ZBTB20: variants seen among roughly 807,000 people sequenced by gnomAD.
The protein encoded by ZBTB20 is zinc finger and BTB domain containing 20.
ZBTB20 carries 9 observed loss-of-function variants against 56.9 expected under a neutral mutation model. The observed-to-expected ratio is 0.16, with a 90% confidence interval of 0.10 to 0.28. The LOEUF is 0.28. Ranked by LOEUF, ZBTB20 falls within the 10% of genes least tolerant of loss-of-function variation. ZBTB20 has a pLI of 1.00. For missense variants in ZBTB20, 655 were observed against 1,003.0 expected (o/e 0.65, Z 4.69); for synonymous variants, 417 against 420.7 (o/e 0.99, Z 0.11).
At chr3:114,364,880 C>T (rs2108366331) in intron 10 of ZBTB20, among the ~76,000 whole-genome samples, 1 of 152,256 alleles carries the variant, frequency 6.6e-6, no homozygotes, top group South Asian at 2.1e-4. Context: ...GCCTTTTCTC[C>T]TTTTAGTTTC....
intron 4 of ZBTB20, among the ~76,000 whole-genome samples, chr3:114,884,322 G>GA (rs2076525004): frequency 6.6e-6 from 1 of 152,096 alleles, no homozygotes; most frequent in African/African-American, 2.4e-5. Flanking sequence ...TATCTGTAGT[G>GA]AAAAAAGTTA....
chr3:115,009,871 C>G (rs1044821450), intron 2 of ZBTB20, among the ~76,000 whole-genome samples: 1 of 151,910 alleles, frequency 6.6e-6, no homozygotes, highest in Admixed American at 6.6e-5. Flanking sequence ...GCCTCGAGAA[C>G]AGTGAGCAAT....
chr3:114,925,594 T>C (rs1469989991), intron 3 of ZBTB20, among the ~76,000 whole-genome samples: 2 of 152,238 alleles, frequency 1.3e-5, no homozygotes, highest in East Asian at 3.9e-4. Flanking sequence ...TGGCACGATC[T>C]TGGTTCACTG....
At chr3:114,497,650 T>C (rs545364293) in intron 7 of ZBTB20, among the ~76,000 whole-genome samples, 1 of 152,330 alleles carries the variant, frequency 6.6e-6, no homozygotes, top group South Asian at 2.1e-4. Context: ...ACGTCTTGTA[T>C]ATACCTGCAT....
At chr3:114,584,304 A>G (rs1313603763) in intron 6 of ZBTB20, among the ~76,000 whole-genome samples, 2 of 152,148 alleles carry the variant, frequency 1.3e-5, no homozygotes, top group African/African-American at 2.4e-5. Flanking sequence ...ATTTTTTTCT[A>G]AATCAAAAAT....
At chr3:114,818,309 A>T (rs1205433222) in intron 4 of ZBTB20, among the ~76,000 whole-genome samples, 3 of 152,100 alleles carry the variant, frequency 2.0e-5, no homozygotes, top group African/African-American at 7.2e-5. Context: ...TTAGGTTATT[A>T]AAAAAACTCT....
rs567302150 is a variant in ZBTB20, at chr3:114,457,325, A to G, written c.-255+43027T>C. ...TTAAGGATGACATGAGGAAACATAT[A>G]AAGTACACAGCTAGTCATTACACGG... is the stretch of plus-strand genomic sequence containing the variant. On this transcript the variant is annotated intron_variant, in intron 7 of 11. Coordinates refer to ENST00000675478, the MANE Select transcript of ZBTB20 (RefSeq NM_001348800.3). Among the ~76,000 whole-genome samples, 22 of 152,350 alleles carry G rather than the reference A, an allele frequency of 1.4e-4. No homozygotes were observed. In the East Asian group the frequency reaches 2.1e-3, roughly 15 times the overall value.
chr3:114,653,525 A>C (rs1371827107), intron 6 of ZBTB20, among the ~76,000 whole-genome samples: 1 of 151,918 alleles, frequency 6.6e-6, no homozygotes, highest in Admixed American at 6.6e-5. Flanking sequence ...TTTGTTTGCT[A>C]ATATTTTGTT....
intron 7 of ZBTB20, among the ~76,000 whole-genome samples, chr3:114,419,459 C>T (rs1008389792): frequency 7.2e-5 from 11 of 152,010 alleles, no homozygotes; most frequent in Non-Finnish European, 1.6e-4. Context: ...TCTAAACACA[C>T]ATTTGGTACT....
intron 5 of ZBTB20, among the ~76,000 whole-genome samples, chr3:114,700,796 G>A (rs536902464): frequency 6.6e-6 from 1 of 152,114 alleles, no homozygotes; most frequent in South Asian, 2.1e-4. Context: ...GGATAGCAGG[G>A]ACATTGCTGC....
chr3:115,102,527 T>C (rs910409918), intron 1 of ZBTB20: 1 of 152,182 alleles, frequency 6.6e-6, no homozygotes, highest in African/African-American at 2.4e-5. Flanking sequence ...CTAGGTATTT[T>C]ATTTTGTTTC....
At chr3:114,954,487 A>G (rs909332901) in intron 3 of ZBTB20, among the ~76,000 whole-genome samples, 1 of 152,196 alleles carries the variant, frequency 6.6e-6, no homozygotes, top group African/African-American at 2.4e-5. Flanking sequence ...ACACACACAC[A>G]CATATACACA....
chr3:114,572,213 G>A (rs181606300), intron 6 of ZBTB20, among the ~76,000 whole-genome samples: 1 of 152,274 alleles, frequency 6.6e-6, no homozygotes, highest in East Asian at 1.9e-4. Flanking sequence ...ACTCAGCCCT[G>A]CAGAAAAATA....
At chr3:114,947,649 G>C (rs2076928045) in intron 3 of ZBTB20, among the ~76,000 whole-genome samples, 1 of 145,412 alleles carries the variant, frequency 6.9e-6, no homozygotes, top group Admixed American at 6.6e-5. Context: ...ATGGAGACTG[G>C]GAAGGGTGAG....
intron 6 of ZBTB20, among the ~76,000 whole-genome samples, chr3:114,683,008 A>C (rs1158094747): frequency 6.6e-6 from 1 of 152,236 alleles, no homozygotes; most frequent in Non-Finnish European, 1.5e-5. Context: ...CCTAGATTAA[A>C]TGTTTGATAA....
rs140956384 is a variant in ZBTB20, at chr3:114,838,002, C to T, written c.-416-36828G>A. ...GAATAAAATCTCACTCAAGTAGTGA[C>T]ATTCAAACCAAAAGAGATCACCCCA... On this transcript the variant is annotated intron_variant, in intron 4 of 11. Coordinates refer to ENST00000675478, the MANE Select transcript of ZBTB20 (RefSeq NM_001348800.3). Among the ~76,000 whole-genome samples, 4 of 152,282 alleles carry T rather than the reference C, an allele frequency of 2.6e-5. No homozygotes were observed. In the East Asian group the frequency reaches 5.8e-4, roughly 22 times the overall value.
At chr3:114,733,236 C>T (rs2065887202) in intron 5 of ZBTB20, among the ~76,000 whole-genome samples, 1 of 152,142 alleles carries the variant, frequency 6.6e-6, no homozygotes, top group Admixed American at 6.6e-5. Context: ...CTCTCATTTC[C>T]TCACTGGCTC....
intron 7 of ZBTB20, among the ~76,000 whole-genome samples, chr3:114,470,849 T>C (rs2040044064): frequency 6.6e-6 from 1 of 152,208 alleles, no homozygotes; most frequent in Non-Finnish European, 1.5e-5. Context: ...ATATTCTTAA[T>C]TATCAGTATT....
chr3:114,463,146 T>A (rs188240537), intron 7 of ZBTB20, among the ~76,000 whole-genome samples: 1 of 152,368 alleles, frequency 6.6e-6, no homozygotes, highest in East Asian at 1.9e-4. Flanking sequence ...ATGAATAATA[T>A]GTGCCTTACC....
Sources: gnomAD v4.1 joint callset for allele counts (sites outside exome capture counted in the v4.1 genomes callset) on GRCh38, gnomAD v4.1.1 for gene constraint, MANE v1.5 for transcripts, NCBI Gene and HGNC (gene_info 2026-07-23, HGNC 2026-07-21) for gene names.